The following ZBTB7C variants were observed in gnomAD, a reference collection of about 807,000 sequenced individuals.
ZBTB7C encodes zinc finger and BTB domain-containing protein 7C.
A neutral mutation model predicts 25.7 loss-of-function variants in ZBTB7C; 8 were observed. The observed-to-expected ratio is 0.31, with a 90% CI of 0.18 to 0.56. The LOEUF (loss-of-function observed/expected upper bound fraction) is 0.56, where lower values mean the gene tolerates loss of function less well. Ranked by LOEUF, ZBTB7C falls within the 20% of genes least tolerant of loss-of-function variation. The pLI, the probability that ZBTB7C is intolerant of heterozygous loss-of-function variation, is 0.91. For missense variants in ZBTB7C, 824 were observed against 855.2 expected (o/e 0.96, Z 0.46); for synonymous variants, 394 against 369.0 (o/e 1.07, Z -0.78).
intron 3 of ZBTB7C, among the ~76,000 whole-genome samples, chr18:48,157,535 G>C (rs555063103): frequency 3.5e-4 from 53 of 152,294 alleles, no homozygotes; most frequent in African/African-American, 1.2e-3. Flanking sequence ...ATTTTATGAG[G>C]AGGAAACAGA....
At chr18:48,273,004 G>A (rs2044537637) in intron 2 of ZBTB7C, among the ~76,000 whole-genome samples, 3 of 152,178 alleles carry the variant, frequency 2.0e-5, no homozygotes, top group Admixed American at 6.5e-5. Flanking sequence ...GGAAAAGCAC[G>A]GAATGGGAAC....
intron 2 of ZBTB7C, among the ~76,000 whole-genome samples, chr18:48,321,131 A>C (rs1314778366): frequency 6.6e-6 from 1 of 152,226 alleles, no homozygotes; most frequent in East Asian, 1.9e-4. Flanking sequence ...TAGCCTCGGC[A>C]CTGGAATTTT....
intron 1 of ZBTB7C, among the ~76,000 whole-genome samples, chr18:48,384,760 C>A (rs2047708477): frequency 2.0e-5 from 3 of 152,300 alleles, no homozygotes; most frequent in Admixed American, 6.5e-5. Flanking sequence ...TGGCTCACTG[C>A]AACCTCTGCC....
intron 3 of ZBTB7C, among the ~76,000 whole-genome samples, chr18:48,176,928 T>C (rs1205645919): frequency 6.6e-6 from 1 of 152,180 alleles, no homozygotes; most frequent in Non-Finnish European, 1.5e-5. Flanking sequence ...CCTTGGAGAA[T>C]TCACTTGACC....
chr18:48,332,698 T>A (rs1446845890), intron 2 of ZBTB7C, among the ~76,000 whole-genome samples: 2 of 115,562 alleles, frequency 1.7e-5, no homozygotes, highest in African/African-American at 7.0e-5. Context: ...TTTTTTTTTT[T>A]AAGAAAAGCC....
intron 2 of ZBTB7C, among the ~76,000 whole-genome samples, chr18:48,214,029 C>A (rs1234050566): frequency 6.6e-6 from 1 of 152,198 alleles, no homozygotes; most frequent in African/African-American, 2.4e-5. Context: ...TGTGCAGGCA[C>A]CACTTAGAGG....
chr18:48,340,349 A>G (rs902585468), intron 1 of ZBTB7C, among the ~76,000 whole-genome samples: 4 of 152,224 alleles, frequency 2.6e-5, no homozygotes, highest in Non-Finnish European at 5.9e-5. Context: ...GCAGCCATGT[A>G]GCTCAGTGCA....
chr18:48,393,672 C>T (rs2047954150), intron 1 of ZBTB7C, among the ~76,000 whole-genome samples: 3 of 152,102 alleles, frequency 2.0e-5, no homozygotes, highest in Admixed American at 6.5e-5. Flanking sequence ...CACACACGCA[C>T]ACAGAGGACT....
chr18:48,355,239 G>A lies in ZBTB7C; in HGVS notation c.-303-16841C>T, dbSNP rs78539586. ...TTCATTGTGAAATTTCAAGGACTGT[G>A]GGGGAAGAAATCCAGTGAGGCTGGA... On this transcript the variant is annotated intron_variant, in intron 1 of 4. Coordinates refer to ENST00000590800, the MANE Select transcript of ZBTB7C (RefSeq NM_001318841.2). Among the ~76,000 whole-genome samples the A allele has an allele frequency of 7.5e-3, 1,135 of 152,308 alleles. 6 individuals are homozygous for A. The highest frequency in any genetic ancestry group is 0.011 in the Non-Finnish European group (778 of 68,024).
chr18:48,041,358 T>G (rs1028127603), intron 3 of ZBTB7C: 6 of 985,362 alleles, frequency 6.1e-6, no homozygotes, highest in Non-Finnish European at 6.0e-6. Flanking sequence ...ACTGGGCAGC[T>G]GGTGTCAGCT....
At chr18:48,154,057 C>G (rs1482252349) in intron 3 of ZBTB7C, among the ~76,000 whole-genome samples, 1 of 152,190 alleles carries the variant, frequency 6.6e-6, no homozygotes, top group Admixed American at 6.5e-5. Flanking sequence ...AAGGCCACAG[C>G]TGGATGCAGA....
chr18:48,286,578 A>G lies in ZBTB7C; in HGVS notation c.-79+51596T>C, dbSNP rs188134172. ...TAAAATAGCCTCAAAATATGTTAAG[A>G]AAAAGTTGATAAAAATACAAAGAGA... On this transcript the variant is annotated intron_variant, in intron 2 of 4. Coordinates refer to ENST00000590800, the MANE Select transcript of ZBTB7C (RefSeq NM_001318841.2). Among the ~76,000 whole-genome samples, 27 of 152,292 alleles carry G rather than the reference A, an allele frequency of 1.8e-4. No individual in the cohort carries two copies. The East Asian group carries it at 2.7e-3, about 15-fold the overall frequency.
chr18:48,312,923 A>AT (rs2045857140), intron 2 of ZBTB7C, among the ~76,000 whole-genome samples: 1 of 152,204 alleles, frequency 6.6e-6, no homozygotes, highest in African/African-American at 2.4e-5. Context: ...ATCGTAACTG[A>AT]TTCCATGTGA....
At chr18:48,104,546 T>C (rs529484277) in intron 3 of ZBTB7C, among the ~76,000 whole-genome samples, 78 of 112,996 alleles carry the variant, frequency 6.9e-4, no homozygotes, top group Non-Finnish European at 8.8e-4. Flanking sequence ...TAAAGTTGTA[T>C]GTATGTATGT....
chr18:48,342,659 C>A (rs2046631778), intron 1 of ZBTB7C, among the ~76,000 whole-genome samples: 1 of 152,050 alleles, frequency 6.6e-6, no homozygotes, highest in African/African-American at 2.4e-5. Flanking sequence ...TTTTTCTTCC[C>A]CTCTCCTCAA....
intron 1 of ZBTB7C, chr18:48,374,278 C>A (rs2047463681): frequency 6.6e-6 from 1 of 152,230 alleles, no homozygotes; most frequent in South Asian, 2.1e-4. Flanking sequence ...ACAAATAGAG[C>A]CCACTTTAAA....
At chr18:48,132,223 G>C (rs1351996058) in intron 3 of ZBTB7C, among the ~76,000 whole-genome samples, 1 of 152,158 alleles carries the variant, frequency 6.6e-6, no homozygotes, top group African/African-American at 2.4e-5. Context: ...ATCTATACAA[G>C]GAATATTGTT....
chr18:48,128,743 A>G (rs920595529), intron 3 of ZBTB7C, among the ~76,000 whole-genome samples: 1 of 152,202 alleles, frequency 6.6e-6, no homozygotes, highest in Non-Finnish European at 1.5e-5. Context: ...AAAAAAAACT[A>G]CATATTGTGT....
chr18:48,076,844 G>A (rs1453600850), intron 3 of ZBTB7C: 14 of 671,130 alleles, frequency 2.1e-5, no homozygotes, highest in Non-Finnish European at 2.6e-5. Flanking sequence ...GCAGGAGAAT[G>A]TAGTCATTAT....
Sources: allele counts gnomAD v4.1 joint callset (sites outside exome capture counted in the v4.1 genomes callset), GRCh38; gene constraint gnomAD v4.1.1; transcripts MANE v1.5; gene names NCBI Gene and HGNC (gene_info 2026-07-23, HGNC 2026-07-21).